Variants in SLC44A5 observed in about 807,000 individuals in gnomAD.
SLC44A5 encodes choline transporter-like protein 5.
In SLC44A5, 57 loss-of-function variants were observed where a neutral mutation model predicts 101.8. The observed-to-expected ratio is 0.56, with a 90% CI of 0.45 to 0.70. The LOEUF is 0.70. SLC44A5 is among the 30% of genes least tolerant of loss of function. SLC44A5 has a pLI of 0.00. For synonymous variants in SLC44A5, 281 were observed against 290.9 expected (o/e 0.97, Z 0.35); for missense variants, 737 against 853.1 (o/e 0.86, Z 1.70).
At chr1:75,292,702 C>T (rs1234104220) in intron 5 of SLC44A5, among the ~76,000 whole-genome samples, 2 of 152,046 alleles carry the variant, frequency 1.3e-5, no homozygotes, top group African/African-American at 4.8e-5. Context: ...TCATTTATCC[C>T]CCAAACTGTT....
intron 1 of SLC44A5, among the ~76,000 whole-genome samples, chr1:75,573,914 C>A (rs920699045): frequency 6.6e-6 from 1 of 152,254 alleles, no homozygotes; most frequent in African/African-American, 2.4e-5. Flanking sequence ...ATCTTCTACC[C>A]GAATATATTT....
intron 23 of SLC44A5, among the ~76,000 whole-genome samples, chr1:75,207,193 A>G (rs567266724): frequency 6.6e-6 from 1 of 152,312 alleles, no homozygotes; most frequent in Non-Finnish European, 1.5e-5. Flanking sequence ...GCCCAGGGAT[A>G]TAAAACAACT....
intron 6 of SLC44A5, among the ~76,000 whole-genome samples, chr1:75,272,771 A>AT (rs1375337501): frequency 6.6e-6 from 1 of 152,144 alleles, no homozygotes; most frequent in African/African-American, 2.4e-5. Context: ...TATCAGTACC[A>AT]TGCTGTTTTG....
In SLC44A5 at chr1:75,472,404, C is replaced by T. The variant is rs537419883; in HGVS notation, c.13+69031G>A. On this transcript the variant is annotated intron_variant, in intron 2 of 23. Transcript: ENST00000370859. ...ATCTTTGAGGGTTCATTAATCTCAA[C>T]AAGCCTGAAAAAAAATAAATTTTCA... Among the ~76,000 whole-genome samples, 4 of 152,186 alleles carry T rather than the reference C, an allele frequency of 2.6e-5. No homozygotes were observed. The East Asian group carries it at 7.7e-4, about 29-fold the overall frequency.
At chr1:75,644,593 CA>C in the SLC44A5 span, among the ~76,000 whole-genome samples, 1 of 150,188 alleles carries the variant, frequency 6.7e-6, no homozygotes, top group Non-Finnish European at 1.5e-5. Context: ...AAATTAACAA[CA>C]AAAAAAAGCC....
the SLC44A5 span, among the ~76,000 whole-genome samples, chr1:75,643,318 C>T: frequency 6.6e-6 from 1 of 151,978 alleles, no homozygotes; most frequent in African/African-American, 2.4e-5. Flanking sequence ...ACTTCAAGAC[C>T]CCAGACTATT....
intron 2 of SLC44A5, among the ~76,000 whole-genome samples, chr1:75,466,298 C>A (rs561564661): frequency 1.3e-5 from 2 of 151,992 alleles, no homozygotes; most frequent in Admixed American, 6.6e-5. Context: ...TCAATTGATG[C>A]TGAAAAAGCA....
intron 2 of SLC44A5, among the ~76,000 whole-genome samples, chr1:75,502,231 A>C (rs2101842560): frequency 6.6e-6 from 1 of 152,346 alleles, no homozygotes; most frequent in Non-Finnish European, 1.5e-5. Context: ...ACACACATGA[A>C]GCTTCTCTGA....
the SLC44A5 span, among the ~76,000 whole-genome samples, chr1:75,673,472 A>C: frequency 6.6e-6 from 1 of 151,228 alleles, no homozygotes; most frequent in Non-Finnish European, 1.5e-5. Context: ...CACTGGACCT[A>C]CTAGGGGAAG....
chr1:75,665,230 T>C, the SLC44A5 span, among the ~76,000 whole-genome samples: 2 of 152,030 alleles, frequency 1.3e-5, no homozygotes, highest in Non-Finnish European at 2.9e-5. Flanking sequence ...ATAACCAAAA[T>C]AGCACGTTAC....
At chr1:75,702,167 T>C in the SLC44A5 span, among the ~76,000 whole-genome samples, 5 of 152,256 alleles carry the variant, frequency 3.3e-5, no homozygotes, top group South Asian at 2.1e-4. Context: ...ACTTTAAAGT[T>C]CATATGGAAC....
intron 4 of SLC44A5, among the ~76,000 whole-genome samples, chr1:75,337,418 G>A (rs1296595373): frequency 6.6e-6 from 1 of 152,144 alleles, no homozygotes; most frequent in East Asian, 1.9e-4. Flanking sequence ...ATTTAGTTAG[G>A]TCTACATTAT....
chr1:75,644,781 C>T, the SLC44A5 span, among the ~76,000 whole-genome samples: 1 of 150,048 alleles, frequency 6.7e-6, no homozygotes, highest in Admixed American at 6.7e-5. Context: ...TAATGCTATC[C>T]CTCCCACCTC....
chr1:75,281,636 G>GCCCCCCCC (rs71081324), intron 5 of SLC44A5, among the ~76,000 whole-genome samples: 3 of 49,458 alleles, frequency 6.1e-5, no homozygotes, highest in East Asian at 3.9e-3. Flanking sequence ...CTGGTGCCAG[G>GCCCCCCCC]CCCCCCCCCC....
chr1:75,534,863 C>T (rs2101930004), intron 2 of SLC44A5, among the ~76,000 whole-genome samples: 1 of 152,288 alleles, frequency 6.6e-6, no homozygotes, highest in Non-Finnish European at 1.5e-5. Context: ...TAAACATCTA[C>T]TTTAATATAA....
intron 3 of SLC44A5, among the ~76,000 whole-genome samples, chr1:75,353,680 T>C (rs1658856778): frequency 6.6e-6 from 1 of 152,246 alleles, no homozygotes. Flanking sequence ...GAATGCATCA[T>C]AAAACTGACT....
At chr1:75,648,654 T>C in the SLC44A5 span, among the ~76,000 whole-genome samples, 1 of 152,174 alleles carries the variant, frequency 6.6e-6, no homozygotes, top group East Asian at 1.9e-4. Flanking sequence ...TGATGTTTTT[T>C]CCAAATGCCA....
At chr1:75,487,618 G>A (rs1001817892) in intron 2 of SLC44A5, among the ~76,000 whole-genome samples, 6 of 152,158 alleles carry the variant, frequency 3.9e-5, no homozygotes, top group East Asian at 1.9e-4. Context: ...GGTACTCTAC[G>A]TTGAGATGAT....
chr1:75,555,505 T>C (rs1370347559), intron 1 of SLC44A5, among the ~76,000 whole-genome samples: 1 of 151,936 alleles, frequency 6.6e-6, no homozygotes, highest in Non-Finnish European at 1.5e-5. Context: ...GAATAAGTGG[T>C]GATGATGGTG....
Sources: allele counts gnomAD v4.1 joint callset (sites outside exome capture counted in the v4.1 genomes callset), GRCh38; gene constraint gnomAD v4.1.1; transcripts MANE v1.5; gene names NCBI Gene and HGNC (gene_info 2026-07-23, HGNC 2026-07-21).